The following PHF14 variants were observed in gnomAD, a reference collection of about 807,000 sequenced individuals.
PHF14 encodes PHD finger protein 14.
A neutral mutation model predicts 117.9 loss-of-function variants in PHF14; 55 were observed. The observed-to-expected ratio is 0.47, with a 90% CI of 0.38 to 0.58. The LOEUF (loss-of-function observed/expected upper bound fraction) is 0.58, where lower values mean the gene tolerates loss of function less well. Among genes scored for constraint, PHF14 ranks in the 20% least tolerant of loss-of-function variants. PHF14 has a pLI of 0.00. For synonymous variants in PHF14, 409 were observed against 368.6 expected, an observed-to-expected ratio of 1.11 and a Z score of -1.26; for missense variants, 978 against 1,122.2, an observed-to-expected ratio of 0.87 and a Z score of 1.84.
intron 5 of PHF14, among the ~76,000 whole-genome samples, chr7:11,015,467 T>C (rs539597508): frequency 6.6e-6 from 1 of 152,348 alleles, no homozygotes; most frequent in South Asian, 2.1e-4. Flanking sequence ...ATCATAGGCA[T>C]AGGCATTACT....
chr7:10,982,496 A>G lies in PHF14; in HGVS notation c.237A>G (p.Glu79=), dbSNP rs780504903. 1.3e-6 allele frequency: 2 copies of G among 1,572,050 alleles called. No homozygotes were observed. The highest frequency in any genetic ancestry group is 1.2e-5 in the South Asian group (1 of 86,340). Residue 79 remains glutamate, a synonymous_variant, in exon 3 of 18, where the codon GAA becomes GAG. Coordinates refer to ENST00000634607, the MANE Select transcript of PHF14 (RefSeq NM_001007157.2). ...ELNEDIKVKE[E]QLKNSAEEEV... ...ATGAAGATATTAAAGTAAAAGAAGA[A>G]CAACTTAAAAATTCTGCAGAGGAAG...
chr7:11,027,577 T>G (rs1783968789), intron 6 of PHF14, among the ~76,000 whole-genome samples: 1 of 152,114 alleles, frequency 6.6e-6, no homozygotes, highest in African/African-American at 2.4e-5. Flanking sequence ...TGAGAGGATT[T>G]GCGGTAATTT....
At chr7:11,029,984 A>G (rs1296272130) in intron 7 of PHF14, among the ~76,000 whole-genome samples, 2 of 152,046 alleles carry the variant, frequency 1.3e-5, no homozygotes, top group East Asian at 1.9e-4. Context: ...TTTGAAGGAT[A>G]TATTTTATGA....
chr7:11,129,415 C>T (rs1198911679), intron 17 of PHF14, among the ~76,000 whole-genome samples: 7 of 151,956 alleles, frequency 4.6e-5, no homozygotes, highest in Non-Finnish European at 1.5e-5. Context: ...TACCTGTTCA[C>T]AGATTTCTTT....
intron 16 of PHF14, among the ~76,000 whole-genome samples, chr7:11,102,067 C>T (rs1787112613): frequency 6.6e-6 from 1 of 151,692 alleles, no homozygotes; most frequent in African/African-American, 2.4e-5. Flanking sequence ...TTGTTTTCAG[C>T]ACAGTTTTAT....
chr7:11,074,687 C>T (rs1230428706), intron 16 of PHF14, among the ~76,000 whole-genome samples: 1 of 152,138 alleles, frequency 6.6e-6, no homozygotes, highest in Non-Finnish European at 1.5e-5. Context: ...AAAATATAGC[C>T]AAGTTCTTTG....
chr7:11,038,686 T>C, intron 10 of PHF14, 74 bp from the exon 11 acceptor site: 1 of 491,154 alleles, frequency 2.0e-6, no homozygotes, highest in Non-Finnish European at 3.5e-6. Flanking sequence ...TATATATATG[T>C]GGAATAGAAA....
At chr7:11,024,945 G>A (rs1232789234) in intron 6 of PHF14, among the ~76,000 whole-genome samples, 1 of 152,310 alleles carries the variant, frequency 6.6e-6, no homozygotes, top group Admixed American at 6.5e-5. Flanking sequence ...TCCTCTGATG[G>A]ATCTGGGCAA....
At chr7:11,139,227 A>C (rs1385989178) in intron 17 of PHF14, among the ~76,000 whole-genome samples, 55 of 152,302 alleles carry the variant, frequency 3.6e-4, no homozygotes, top group African/African-American at 1.3e-3. Context: ...GATTTATTAA[A>C]AAACATATTG....
chr7:11,105,220 A>T, intron 16 of PHF14: 1 of 959,206 alleles, frequency 1.0e-6, no homozygotes, highest in African/African-American at 1.8e-5. Flanking sequence ...TAGAAATTAT[A>T]TTTATGCATT....
At chr7:11,141,696 C>T (rs1000399138) in intron 17 of PHF14, among the ~76,000 whole-genome samples, 1 of 151,910 alleles carries the variant, frequency 6.6e-6, no homozygotes, top group South Asian at 2.1e-4. Flanking sequence ...TTAATAGTTT[C>T]GTGTTGCATC....
chr7:11,030,457 T>A (rs1781219503), intron 7 of PHF14, among the ~76,000 whole-genome samples: 1 of 152,128 alleles, frequency 6.6e-6, no homozygotes, highest in Non-Finnish European at 1.5e-5. Context: ...TTTGGCAAGA[T>A]GGCAGCTAAT....
chr7:11,107,462 A>C, intron 16 of PHF14: 4 of 820,068 alleles, frequency 4.9e-6, no homozygotes, highest in Non-Finnish European at 4.4e-6. Flanking sequence ...AGTTGTATTT[A>C]GTAAGAATCT....
intron 17 of PHF14, among the ~76,000 whole-genome samples, chr7:11,136,631 A>T (rs1788228100): frequency 1.3e-5 from 2 of 152,216 alleles, no homozygotes; most frequent in Admixed American, 1.3e-4. Context: ...TCAAAATTTT[A>T]AGAAATGCAT....
At chr7:11,100,655 C>T (rs1787054552) in intron 16 of PHF14, among the ~76,000 whole-genome samples, 1 of 151,938 alleles carries the variant, frequency 6.6e-6, no homozygotes, top group Non-Finnish European at 1.5e-5. Context: ...GTGCCTTCCA[C>T]ATTTGATCTC....
At chr7:11,165,451 T>A (rs1011462171) in intron 17 of PHF14, among the ~76,000 whole-genome samples, 1 of 152,150 alleles carries the variant, frequency 6.6e-6, no homozygotes, top group Non-Finnish European at 1.5e-5. Context: ...TAAAGGTACT[T>A]ACATCAACAT....
intron 13 of PHF14, among the ~76,000 whole-genome samples, chr7:11,047,145 C>T (rs539075942): frequency 2.1e-4 from 32 of 151,838 alleles, no homozygotes; most frequent in Admixed American, 3.3e-4. Context: ...CGCAACTCAC[C>T]GCAACTTCTG....
At chr7:10,983,757 C>T (rs1298579740) in intron 3 of PHF14, among the ~76,000 whole-genome samples, 2 of 152,144 alleles carry the variant, frequency 1.3e-5, no homozygotes, top group Non-Finnish European at 2.9e-5. Flanking sequence ...TAAATAAATT[C>T]TCTCTACAAA....
intron 17 of PHF14, among the ~76,000 whole-genome samples, chr7:11,150,637 G>A (rs1395996101): frequency 1.3e-5 from 2 of 152,008 alleles, no homozygotes; most frequent in Non-Finnish European, 2.9e-5. Context: ...TTGTATATTA[G>A]AATCCTCTAT....
Sources: gnomAD v4.1 joint callset for allele counts (sites outside exome capture counted in the v4.1 genomes callset) on GRCh38, gnomAD v4.1.1 for gene constraint, MANE v1.5 for transcripts, NCBI Gene and HGNC (gene_info 2026-07-23, HGNC 2026-07-21) for gene names.